Variants in COL4A2 observed in about 807,000 individuals in gnomAD.
The protein encoded by COL4A2 is collagen alpha-2(IV) chain.
A neutral mutation model predicts 200.2 loss-of-function variants in COL4A2; 99 were observed. The ratio of observed to expected loss-of-function variants is 0.49; its 90% CI spans 0.42 to 0.58. COL4A2 has a LOEUF of 0.58. Among genes scored for constraint, COL4A2 ranks in the 20% least tolerant of loss-of-function variants. The probability of loss-of-function intolerance (pLI) is 0.00; values close to 1 mark genes in which losing one functional copy is unlikely to be tolerated. For synonymous variants in COL4A2, 897 were observed against 900.6 expected (o/e 1.00, Z 0.07); for missense variants, 1,950 against 2,314.1 (o/e 0.84, Z 3.23).
intron 11 of COL4A2, 94 bp downstream of exon 11, chr13:110,432,454 A>G: frequency 1.4e-6 from 2 of 1,430,976 alleles, no homozygotes; most frequent in South Asian, 3.0e-5. Flanking sequence ...TTGGTTGGCA[A>G]CTATTTATTG....
At chr13:110,440,763 A>G (rs1881090569) in intron 16 of COL4A2, among the ~76,000 whole-genome samples, 1 of 152,196 alleles carries the variant, frequency 6.6e-6, no homozygotes, top group Admixed American at 6.5e-5. Context: ...CACACAGCAC[A>G]CGCCTCCTAC....
chr13:110,339,542 C>A (rs1032871267), intron 3 of COL4A2, among the ~76,000 whole-genome samples: 2 of 152,272 alleles, frequency 1.3e-5, no homozygotes, highest in African/African-American at 4.8e-5. Context: ...CCTCAGCCTC[C>A]AGCAGCACAG....
At chr13:110,373,198 A>G (rs771777162) in intron 4 of COL4A2, among the ~76,000 whole-genome samples, 7 of 152,232 alleles carry the variant, frequency 4.6e-5, no homozygotes, top group Non-Finnish European at 8.8e-5. Flanking sequence ...TATTGATGGA[A>G]CAACCCAAAC....
chr13:110,393,427 T>C (rs961428737), intron 4 of COL4A2, among the ~76,000 whole-genome samples: 2 of 152,228 alleles, frequency 1.3e-5, no homozygotes, highest in African/African-American at 2.4e-5. Context: ...TCCAGTATAA[T>C]GTAAGGCTAT....
chr13:110,393,409 G>T (rs372164271), intron 4 of COL4A2, among the ~76,000 whole-genome samples: 25 of 152,236 alleles, frequency 1.6e-4, no homozygotes, highest in Admixed American at 8.5e-4. Context: ...CTATTTTTAT[G>T]AATACAATCC....
intron 29 of COL4A2, among the ~76,000 whole-genome samples, chr13:110,474,727 A>G: frequency 7.3e-6 from 1 of 136,488 alleles, no homozygotes; most frequent in Non-Finnish European, 1.6e-5. Flanking sequence ...TCACACACGC[A>G]CGTACCCACA....
At position 110,458,833 on chromosome 13, in the gene COL4A2, C is replaced by T. The variant is rs910018861; in HGVS notation, c.1495C>T (p.Pro499Ser). The T allele has an allele frequency of 6.2e-7, 1 of 1,613,824 alleles. No homozygotes were observed. Residue 499 changes from proline to serine, a missense_variant, in exon 22 of 48, where the codon CCA becomes TCA. Coordinates refer to ENST00000360467, the MANE Select transcript of COL4A2 (RefSeq NM_001846.4). ...DEAIKGLPGL[P>S]GPKGFAGING... ...AGCTATCAAAGGTCTTCCGGGACTG[C>T]CAGGACCCAAGGGCTTCGCAGGCAT... is the stretch of plus-strand genomic sequence containing the variant.
chr13:110,487,412 C>T (rs1033578892), intron 34 of COL4A2, among the ~76,000 whole-genome samples: 13 of 152,152 alleles, frequency 8.5e-5, no homozygotes, highest in South Asian at 2.1e-4. Flanking sequence ...GAGATTGCGC[C>T]GTTGCACTCC....
At chr13:110,425,046 G>A (rs1279115810) in intron 6 of COL4A2, 49 bp downstream of exon 6, 1 of 1,498,958 alleles carries the variant, frequency 6.7e-7, no homozygotes, top group East Asian at 2.5e-5. Context: ...TGCATCCTAG[G>A]CAATACATTT....
intron 4 of COL4A2, among the ~76,000 whole-genome samples, chr13:110,385,506 TGTGGATAGGCCGTGGTTACAGTGC>T (rs1878668371): frequency 2.5e-5 from 2 of 80,094 alleles, no homozygotes; most frequent in Non-Finnish European, 2.7e-5. Flanking sequence ...GGTTACAGTG[TGTGGATAGGCCGTGGTTACAGTGC>T]GTGGATAGGC....
intron 4 of COL4A2, among the ~76,000 whole-genome samples, chr13:110,376,789 C>T (rs113788411): frequency 8.5e-5 from 13 of 152,248 alleles, no homozygotes; most frequent in Admixed American, 2.6e-4. Context: ...CCCCGAGGAC[C>T]TTCCTGAAAC....
At chr13:110,485,174 T>C (rs1883071522) in intron 33 of COL4A2, 147 bp downstream of exon 33, 4 of 676,060 alleles carry the variant, frequency 5.9e-6, no homozygotes, top group Non-Finnish European at 9.6e-6. Context: ...TGTGTGTCCA[T>C]AGCTGGCGCA....
intron 3 of COL4A2, among the ~76,000 whole-genome samples, chr13:110,320,206 C>T (rs1479884642): frequency 6.6e-6 from 1 of 152,120 alleles, no homozygotes; most frequent in Non-Finnish European, 1.5e-5. Flanking sequence ...TAACCCATTA[C>T]ATAAGGTGGC....
At chr13:110,357,043 C>T (rs1468254630) in intron 3 of COL4A2, among the ~76,000 whole-genome samples, 4 of 152,118 alleles carry the variant, frequency 2.6e-5, no homozygotes, top group Non-Finnish European at 4.4e-5. Context: ...GGATTCCAGG[C>T]GTGAGCGACC....
chr13:110,365,242 A>G (rs1466672306), intron 4 of COL4A2, among the ~76,000 whole-genome samples: 1 of 152,004 alleles, frequency 6.6e-6, no homozygotes, highest in African/African-American at 2.4e-5. Context: ...CCTGGGTTCA[A>G]GTCATTCTCC....
chr13:110,384,311 G>T (rs1878600639), intron 4 of COL4A2, among the ~76,000 whole-genome samples: 1 of 152,138 alleles, frequency 6.6e-6, no homozygotes, highest in Non-Finnish European at 1.5e-5. Flanking sequence ...TTACTTAAGG[G>T]AATTTCGACA....
Position 110,336,940 on chromosome 13 carries a change from CT to C in COL4A2, c.100-20530del, listed in dbSNP as rs145341929. 1.5e-4 allele frequency among the ~76,000 whole-genome samples: 23 copies of C among 152,318 alleles called. No individual in the cohort carries two copies. In the East Asian group the frequency reaches 4.4e-3, roughly 29 times the overall value. On this transcript the variant is annotated intron_variant, in intron 3 of 47. Transcript: ENST00000360467. ...CGTGGCCTGGGTTGCCTCTGTGCTC[CT>C]TCACGGGACACTCACACCAGTTCCT...
intron 4 of COL4A2, among the ~76,000 whole-genome samples, chr13:110,380,438 C>G (rs1878419037): frequency 1.3e-5 from 2 of 152,160 alleles, no homozygotes; most frequent in African/African-American, 4.8e-5. Context: ...AATGTGTTAA[C>G]TGTTAAAATT....
intron 41 of COL4A2, chr13:110,502,901 A>G: frequency 2.0e-6 from 1 of 502,256 alleles, no homozygotes. Flanking sequence ...GTGAAGGTGA[A>G]TATATTGAAT....
Sources: allele counts gnomAD v4.1 joint callset (sites outside exome capture counted in the v4.1 genomes callset), GRCh38; gene constraint gnomAD v4.1.1; transcripts MANE v1.5; gene names NCBI Gene and HGNC (gene_info 2026-07-23, HGNC 2026-07-21).